The following DMXL1 variants were observed in gnomAD, a reference collection of about 807,000 sequenced individuals.
DMXL1 encodes Dmx like 1, also known as dmX-like protein 1.
DMXL1 carries 99 observed loss-of-function variants against 319.2 expected under a neutral mutation model. The ratio of observed to expected loss-of-function variants is 0.31; its 90% CI spans 0.26 to 0.37. DMXL1 has a LOEUF of 0.37. Among genes scored for constraint, DMXL1 ranks in the 10% least tolerant of loss-of-function variants. The pLI is 1.00. For missense variants in DMXL1, 3,745 were observed against 3,595.6 expected (o/e 1.04, Z -1.06); for synonymous variants, 1,385 against 1,235.2 (o/e 1.12, Z -2.54).
At chr5:119,208,344 G>A (rs1411188174) in intron 34 of DMXL1, among the ~76,000 whole-genome samples, 2 of 151,774 alleles carry the variant, frequency 1.3e-5, no homozygotes, top group African/African-American at 4.8e-5. Flanking sequence ...CTCCCGAGTA[G>A]CTGGGATTAC....
rs187780977 is a variant in DMXL1, at chr5:119,183,343, A to T, written c.7135+5099A>T. On this transcript the variant is annotated intron_variant, in intron 28 of 43. Coordinates refer to ENST00000539542, the MANE Select transcript of DMXL1 (RefSeq NM_001290321.3). The stretch of plus-strand genomic sequence containing the variant: ...GACCAGAAAAGACTTGAGCATATTA[A>T]AATATAAAACAAAATAGGTGATTTA... 3.7e-4 allele frequency among the ~76,000 whole-genome samples: 56 copies of T among 152,350 alleles called. 1 individual carries two copies. The highest frequency in any genetic ancestry group is 3.4e-3 in the Middle Eastern group (1 of 294).
rs1769923497 is a variant in DMXL1 at position 119,152,072 on chromosome 5, G to T, written c.4702+36G>T. 4 of 1,436,192 alleles carry T rather than the reference G, an allele frequency of 2.8e-6. No individual in the cohort carries two copies. In the East Asian group the frequency reaches 9.3e-5, roughly 33 times the overall value. The allele number at this position is 1,436,192 out of a possible 1,614,324, so 89.0% of individuals were successfully genotyped here. On this transcript the variant is annotated intron_variant, in intron 19 of 43. Transcript: ENST00000539542. ...TAGTAATCTATTAAAGGGAAATAAA[G>T]CGAGTAGAAAATGAGAGACTTGGGA...
Position 119,220,936 on chromosome 5 carries a change from A to G in DMXL1, c.8136-4A>G, listed in dbSNP as rs921685913. 3.7e-6 allele frequency: 6 copies of G among 1,612,514 alleles called. No homozygotes were observed. Among genetic ancestry groups the G allele is most frequent in the South Asian group, 1.1e-5 (1 of 90,770 alleles). On this transcript the variant is annotated splice_polypyrimidine_tract_variant and splice_region_variant and intron_variant, in intron 36 of 43. Transcript: ENST00000539542. ...TTTTTATTCTGGTTGACATTCCTTT[A>G]TAGATCAGAAGATTTCTTGGTTATA...
chr5:119,175,226 G>T (rs1473720790), intron 25 of DMXL1, 35 bp from the exon 26 acceptor site: 4 of 1,524,800 alleles, frequency 2.6e-6, no homozygotes, highest in East Asian at 2.3e-5. Context: ...CTTTAAAAAG[G>T]TTATACTTAA....
At chr5:119,087,373 A>G (rs1037330352) in intron 1 of DMXL1, among the ~76,000 whole-genome samples, 1 of 151,784 alleles carries the variant, frequency 6.6e-6, no homozygotes, top group African/African-American at 2.4e-5. Context: ...GTTATGTTGT[A>G]TTCCCATTTT....
intron 9 of DMXL1, among the ~76,000 whole-genome samples, chr5:119,125,069 T>G (rs898962593): frequency 2.6e-5 from 4 of 152,250 alleles, no homozygotes; most frequent in African/African-American, 9.6e-5. Flanking sequence ...ATAGATACAT[T>G]AAATTTACCG....
rs1554139437 is a variant in DMXL1, at chr5:119,202,885, T to TATATA, written c.7746-434_7746-433insATATA. Among the ~76,000 whole-genome samples the TATATA allele has an allele frequency of 8.5e-4, 111 of 130,762 alleles. 2 individuals are homozygous for TATATA. Among genetic ancestry groups the TATATA allele is most frequent in the South Asian group, 5.1e-3 (22 of 4,344 alleles). The allele number at this position is 130,762 out of a possible 152,430, so 85.8% of individuals were successfully genotyped here. On this transcript the variant is annotated intron_variant, in intron 32 of 43. Transcript: ENST00000539542. Reference sequence around the variant, plus strand: ...CATACATATATATATATATATATTTTTATATATATATATATATATATTTAT... The same window carrying TATATA: ...CATACATATATATATATATATATTTTATATATATATATATATATATATATATTTAT...
At chr5:119,179,151 A>C (rs994379542) in intron 28 of DMXL1, among the ~76,000 whole-genome samples, 4 of 152,132 alleles carry the variant, frequency 2.6e-5, no homozygotes, top group African/African-American at 9.6e-5. Context: ...TAATGTTAAA[A>C]CTGTATTTTT....
chr5:119,215,735 G>A lies in DMXL1; in HGVS notation c.7927-1166G>A, dbSNP rs1783565306. Among the ~76,000 whole-genome samples the A allele has an allele frequency of 3.3e-5, 5 of 152,066 alleles. No individual in the cohort carries two copies. The South Asian group carries it at 1.0e-3, about 32-fold the overall frequency. ...AAATTTTGCAGTAAGTAAATTTATT[G>A]TATGCTGATTTCAGATAATTTATGC... On this transcript the variant is annotated intron_variant, in intron 34 of 43. Transcript: ENST00000539542.
At chr5:119,085,020 T>A (rs939608450) in intron 1 of DMXL1, among the ~76,000 whole-genome samples, 1 of 152,028 alleles carries the variant, frequency 6.6e-6, no homozygotes, top group African/African-American at 2.4e-5. Flanking sequence ...TGTACAAATC[T>A]TTCACTTCTT....
intron 9 of DMXL1, 46 bp downstream of exon 9, chr5:119,121,185 G>T (rs764584706): frequency 2.0e-6 from 3 of 1,471,192 alleles, no homozygotes; most frequent in Admixed American, 2.2e-5. Flanking sequence ...TGAATAGATT[G>T]ATTTTATAAC....
At chr5:119,146,996 T>C in intron 16 of DMXL1, 40 bp downstream of exon 16, 1 of 1,595,370 alleles carries the variant, frequency 6.3e-7, no homozygotes, top group Non-Finnish European at 8.5e-7. Context: ...CTTTAATAGG[T>C]GTAAGTTAAC....
chr5:119,216,874 T>A (rs750187002), intron 34 of DMXL1, 27 bp from the exon 35 acceptor site: 2 of 1,289,448 alleles, frequency 1.6e-6, no homozygotes, highest in Non-Finnish European at 2.2e-6. Context: ...ATCAGTGCAT[T>A]TTTGTGTTTT....
intron 15 of DMXL1, 42 bp from the exon 16 acceptor site, chr5:119,146,795 T>A: frequency 6.4e-7 from 1 of 1,566,674 alleles, no homozygotes. Context: ...AGTTGTCTCT[T>A]TTACACATAG....
At chr5:119,130,003 C>T (rs962685985) in intron 10 of DMXL1, among the ~76,000 whole-genome samples, 4 of 152,128 alleles carry the variant, frequency 2.6e-5, no homozygotes, top group African/African-American at 9.7e-5. Context: ...GACTCTGTAG[C>T]CTTTATATGC....
chr5:119,103,389 A>C (rs1039231696), intron 3 of DMXL1, among the ~76,000 whole-genome samples: 4 of 152,332 alleles, frequency 2.6e-5, no homozygotes, highest in African/African-American at 9.6e-5. Context: ...TTTACAAATT[A>C]CTTCAAACCT....
At chr5:119,128,337 A>G (rs1386836226) in intron 9 of DMXL1, 3 of 282,220 alleles carry the variant, frequency 1.1e-5, no homozygotes, top group East Asian at 9.2e-5. Context: ...TGGATATTTG[A>G]TTTGGGAGAC....
chr5:119,177,037 G>A (rs937295478), intron 26 of DMXL1, among the ~76,000 whole-genome samples: 13 of 152,100 alleles, frequency 8.5e-5, no homozygotes, highest in Non-Finnish European at 1.9e-4. Flanking sequence ...ATGAAAGTGA[G>A]CCTAAACGGA....
intron 1 of DMXL1, among the ~76,000 whole-genome samples, chr5:119,084,641 A>G (rs1580597876): frequency 6.6e-6 from 1 of 151,974 alleles, no homozygotes; most frequent in South Asian, 2.1e-4. Context: ...AGGCGGGTGG[A>G]TCATCTGAGG....
Sources: allele counts gnomAD v4.1 joint callset (sites outside exome capture counted in the v4.1 genomes callset), GRCh38; gene constraint gnomAD v4.1.1; transcripts MANE v1.5; gene names NCBI Gene and HGNC (gene_info 2026-07-23, HGNC 2026-07-21).